CDH18: variants seen among roughly 807,000 people sequenced by gnomAD.
CDH18 encodes cadherin 18, also known as cadherin-18.
In CDH18, 31 loss-of-function variants were observed where a neutral mutation model predicts 67.9. That is an observed-to-expected ratio of 0.46 (90% CI 0.34 to 0.62). CDH18 has a LOEUF of 0.62. Among genes scored for constraint, CDH18 ranks in the 20% least tolerant of loss-of-function variants. The pLI is 0.01. For missense variants in CDH18, 890 were observed against 975.5 expected (o/e 0.91, Z 1.17); for synonymous variants, 362 against 347.2 (o/e 1.04, Z -0.48).
intron 1 of CDH18, among the ~76,000 whole-genome samples, chr5:20,307,427 TATAAC>T: frequency 6.6e-6 from 1 of 152,302 alleles, no homozygotes; most frequent in Admixed American, 6.5e-5. Context: ...ACAAGAGACA[TATAAC>T]ATTTAATATG....
At chr5:20,088,732 TCTC>T (rs776989639) in intron 2 of CDH18, among the ~76,000 whole-genome samples, 2 of 152,190 alleles carry the variant, frequency 1.3e-5, no homozygotes, top group Admixed American at 6.6e-5. Context: ...CTTGGCCTCT[TCTC>T]TATATTTTGT....
At chr5:19,903,740 A>T (rs1790221677) in intron 2 of CDH18, among the ~76,000 whole-genome samples, 1 of 151,386 alleles carries the variant, frequency 6.6e-6, no homozygotes, top group Non-Finnish European at 1.5e-5. Flanking sequence ...CTCTGGGAAA[A>T]AAATAAAAAA....
chr5:19,897,797 G>A (rs1213581645), intron 2 of CDH18, among the ~76,000 whole-genome samples: 1 of 152,002 alleles, frequency 6.6e-6, no homozygotes, highest in Non-Finnish European at 1.5e-5. Flanking sequence ...AAAAAAGAGA[G>A]TCCATAGTGA....
At chr5:19,650,251 A>G (rs1443038239) in intron 5 of CDH18, among the ~76,000 whole-genome samples, 3 of 150,260 alleles carry the variant, frequency 2.0e-5, no homozygotes, top group African/African-American at 4.9e-5. Context: ...TTTGGAAGAA[A>G]TCCCTCTTTC....
At chr5:19,935,440 T>C (rs1794131649) in intron 2 of CDH18, among the ~76,000 whole-genome samples, 1 of 151,282 alleles carries the variant, frequency 6.6e-6, no homozygotes, top group East Asian at 1.9e-4. Flanking sequence ...TACACACTTT[T>C]TCTATGTTTT....
intron 5 of CDH18, among the ~76,000 whole-genome samples, chr5:19,624,716 A>G (rs1227372229): frequency 6.6e-6 from 1 of 152,176 alleles, no homozygotes; most frequent in Non-Finnish European, 1.5e-5. Context: ...CATGCTGGAG[A>G]GCAAGTTTTT....
At chr5:20,356,269 G>C (rs1741599394) in intron 1 of CDH18, among the ~76,000 whole-genome samples, 1 of 152,166 alleles carries the variant, frequency 6.6e-6, no homozygotes, top group Non-Finnish European at 1.5e-5. Context: ...TGCAATCCCA[G>C]CTACTTGGGA....
intron 2 of CDH18, among the ~76,000 whole-genome samples, chr5:19,882,227 T>C (rs1236786900): frequency 1.3e-5 from 2 of 152,182 alleles, no homozygotes; most frequent in African/African-American, 4.8e-5. Context: ...TCTTTCCTTG[T>C]GATTCTTTGA....
chr5:20,242,512 C>T (rs1033032679), intron 2 of CDH18, among the ~76,000 whole-genome samples: 16 of 149,290 alleles, frequency 1.1e-4, no homozygotes, highest in Non-Finnish European at 1.6e-4. Context: ...AATACTGTCT[C>T]TCAGATTCAT....
intron 4 of CDH18, among the ~76,000 whole-genome samples, chr5:19,742,462 AT>A (rs1311527254): frequency 6.6e-6 from 1 of 151,938 alleles, no homozygotes; most frequent in East Asian, 1.9e-4. Context: ...TTTTTTTTTA[AT>A]CATTTTATCC....
chr5:20,328,978 CT>C (rs1462179569), intron 1 of CDH18, among the ~76,000 whole-genome samples: 1 of 152,164 alleles, frequency 6.6e-6, no homozygotes, highest in African/African-American at 2.4e-5. Context: ...AAGATCTCAT[CT>C]CAGAAATAAA....
At chr5:20,270,281 C>CTAT (rs1745340441) in intron 1 of CDH18, among the ~76,000 whole-genome samples, 1 of 151,820 alleles carries the variant, frequency 6.6e-6, no homozygotes, top group African/African-American at 2.4e-5. Context: ...AGAATATAAA[C>CTAT]AATATTTTAT....
chr5:20,058,238 A>T (rs1742166461), intron 2 of CDH18, among the ~76,000 whole-genome samples: 1 of 152,174 alleles, frequency 6.6e-6, no homozygotes, highest in Admixed American at 6.5e-5. Context: ...AAAAGGAAGA[A>T]ACAAATATAC....
chr5:20,075,884 C>A (rs1580182155), intron 2 of CDH18, among the ~76,000 whole-genome samples: 1 of 151,622 alleles, frequency 6.6e-6, no homozygotes, highest in South Asian at 2.1e-4. Flanking sequence ...TTGAGTATTT[C>A]AAAAAAAATC....
intron 2 of CDH18, among the ~76,000 whole-genome samples, chr5:20,179,271 C>G (rs1737492897): frequency 6.6e-6 from 1 of 151,994 alleles, no homozygotes; most frequent in African/African-American, 2.4e-5. Flanking sequence ...ATTTTATTAC[C>G]TCACTTTAAC....
intron 1 of CDH18, among the ~76,000 whole-genome samples, chr5:20,348,773 A>G (rs1404992813): frequency 6.6e-6 from 1 of 152,158 alleles, no homozygotes; most frequent in Non-Finnish European, 1.5e-5. Context: ...TTTAGGGAAC[A>G]TTAAATCTGA....
chr5:19,682,101 T>G (rs1274317551), intron 5 of CDH18, among the ~76,000 whole-genome samples: 3 of 152,036 alleles, frequency 2.0e-5, no homozygotes, highest in Non-Finnish European at 4.4e-5. Flanking sequence ...AAATCTCTCT[T>G]TATTTAAGCC....
chr5:19,590,535 T>C (rs886643086), intron 7 of CDH18, among the ~76,000 whole-genome samples: 4 of 138,568 alleles, frequency 2.9e-5, no homozygotes, highest in Admixed American at 7.3e-5. Context: ...GATAGATAGA[T>C]AGACAACAGG....
chr5:20,026,828 G>C (rs6861149), intron 2 of CDH18, among the ~76,000 whole-genome samples: 4,978 of 152,120 alleles, frequency 0.033, 279 homozygotes, highest in African/African-American at 0.11. Flanking sequence ...ATGGTGGTGG[G>C]CACCTGTAGT....
Sources: allele counts gnomAD v4.1 joint callset (sites outside exome capture counted in the v4.1 genomes callset), GRCh38; gene constraint gnomAD v4.1.1; transcripts MANE v1.5; gene names NCBI Gene and HGNC (gene_info 2026-07-23, HGNC 2026-07-21).